The following RHOT1 variants were observed in gnomAD, a reference collection of about 807,000 sequenced individuals.
RHOT1 encodes ras homolog family member T1.
A neutral mutation model predicts 95.3 loss-of-function variants in RHOT1; 27 were observed. The observed-to-expected ratio is 0.28, with a 90% CI of 0.21 to 0.39. RHOT1 has a LOEUF of 0.39. Ranked by LOEUF, RHOT1 falls within the 10% of genes least tolerant of loss-of-function variation. RHOT1 has a pLI of 1.00. For missense variants in RHOT1, 578 were observed against 786.7 expected, an observed-to-expected ratio of 0.73 and a Z score of 3.17; for synonymous variants, 227 against 263.5, an observed-to-expected ratio of 0.86 and a Z score of 1.34.
chr17:32,166,238 GTGTAA>G (rs1328389037), intron 1 of RHOT1, among the ~76,000 whole-genome samples: 4 of 151,086 alleles, frequency 2.6e-5, no homozygotes, highest in Non-Finnish European at 5.9e-5. Context: ...TCTGTTAAGT[GTGTAA>G]TGTAATATCT....
chr17:32,181,534 C>T (rs1208676882), intron 6 of RHOT1, among the ~76,000 whole-genome samples: 4 of 152,162 alleles, frequency 2.6e-5, no homozygotes, highest in Non-Finnish European at 4.4e-5. Context: ...TTAAAATTTT[C>T]ACTAAGAAAT....
intron 8 of RHOT1, among the ~76,000 whole-genome samples, chr17:32,184,403 A>G (rs948978071): frequency 2.6e-5 from 4 of 152,156 alleles, no homozygotes; most frequent in Non-Finnish European, 4.4e-5. Flanking sequence ...ACATTGTAGC[A>G]TGTATCAGTA....
At position 32,186,759 on chromosome 17, in the gene RHOT1, T is replaced by A. The variant is rs34520012; in HGVS notation, c.540+3487T>A. On this transcript the variant is annotated intron_variant, in intron 8 of 19. Coordinates refer to ENST00000545287, the MANE Select transcript of RHOT1 (RefSeq NM_001033566.3). Reference sequence around the variant, plus strand: ...TCACTGCAGCCTTAACCTCCTGGATTCAAGCAGTCCTCCCACTCAGCCTCC... The same window carrying A: ...TCACTGCAGCCTTAACCTCCTGGATACAAGCAGTCCTCCCACTCAGCCTCC... Among the ~76,000 whole-genome samples, 982 of 152,186 alleles carry A rather than the reference T, an allele frequency of 6.5e-3. 14 individuals are homozygous for A. The highest frequency in any genetic ancestry group is 0.021 in the African/African-American group (891 of 41,514).
intron 7 of RHOT1, 146 bp downstream of exon 7, chr17:32,183,011 T>A: frequency 1.3e-6 from 1 of 752,236 alleles, no homozygotes; most frequent in South Asian, 2.1e-5. Context: ...GAAGTTGGAG[T>A]TGGCCTCTGA....
intron 6 of RHOT1, chr17:32,178,883 T>C: frequency 8.2e-6 from 1 of 121,454 alleles, no homozygotes; most frequent in Non-Finnish European, 1.6e-5. Context: ...CGCCACCCCA[T>C]CTGGGAAGTG....
At chr17:32,221,304 G>GTTGCAGT (rs2038818143) in intron 19 of RHOT1, 1 of 150,540 alleles carries the variant, frequency 6.6e-6, no homozygotes, top group African/African-American at 2.5e-5. Flanking sequence ...GGAGGCGGAG[G>GTTGCAGT]TTGCAGTTTG....
chr17:32,165,632 T>C (rs2034008146), intron 1 of RHOT1, among the ~76,000 whole-genome samples: 1 of 152,182 alleles, frequency 6.6e-6, no homozygotes, highest in African/African-American at 2.4e-5. Context: ...TCTATGCACA[T>C]ACATATTTAT....
At chr17:32,178,536 G>A (rs1397071768) in intron 6 of RHOT1, among the ~76,000 whole-genome samples, 4 of 152,218 alleles carry the variant, frequency 2.6e-5, no homozygotes, top group Non-Finnish European at 5.9e-5. Flanking sequence ...ATCTCGGCTC[G>A]CTACAACCTT....
chr17:32,158,416 TTTTG>T (rs750902087), intron 1 of RHOT1, among the ~76,000 whole-genome samples: 7 of 151,950 alleles, frequency 4.6e-5, no homozygotes, highest in African/African-American at 9.7e-5. Flanking sequence ...GTTTCTCAGT[TTTTG>T]TTTGTTTGTT....
intron 1 of RHOT1, among the ~76,000 whole-genome samples, chr17:32,151,753 G>A (rs746782591): frequency 2.0e-5 from 3 of 151,816 alleles, no homozygotes; most frequent in African/African-American, 4.8e-5. Flanking sequence ...ATGGTGGTGG[G>A]CGCCTGTAAT....
chr17:32,182,325 ATTT>A (rs200460105), intron 6 of RHOT1, among the ~76,000 whole-genome samples: 2 of 146,136 alleles, frequency 1.4e-5, no homozygotes, highest in African/African-American at 5.0e-5. Context: ...AAAAAAAAAA[ATTT>A]TTTTTTAATT....
Position 32,173,863 on chromosome 17 carries a change from A to G in RHOT1, c.129A>G (p.Pro43=). The change falls in exon 3 of 20, where the codon CCA becomes CCG. Residue 43 remains proline (P), a synonymous_variant. Coordinates refer to ENST00000545287, the MANE Select transcript of RHOT1 (RefSeq NM_001033566.3). ...CCCGGGCAGAAGAAATCACCATTCC[A>G]GCTGATGTCACCCCAGAGAGAGTTC... The part of the protein sequence containing the change: ...VPPRAEEITI[P]ADVTPERVPT... 6.2e-7 allele frequency: 1 copy of G among 1,611,970 alleles called. No homozygotes were observed. The highest frequency in any genetic ancestry group is 8.5e-7 in the Non-Finnish European group (1 of 1,179,002).
At chr17:32,199,635 T>A in intron 13 of RHOT1, 85 bp downstream of exon 13, 1 of 1,155,002 alleles carries the variant, frequency 8.7e-7, no homozygotes, top group Non-Finnish European at 1.2e-6. Context: ...TGTAAGCTTG[T>A]GAGGCATTAT....
rs990617851 is a variant in RHOT1 at position 32,173,773 on chromosome 17, G to A, written c.97-58G>A. 8.0e-6 allele frequency: 9 copies of A among 1,131,968 alleles called. No homozygotes were observed. In the Admixed American group the frequency reaches 1.9e-4, roughly 23 times the overall value. The allele number at this position is 1,131,968 out of a possible 1,614,324, so 70.1% of individuals were successfully genotyped here. On this transcript the variant is annotated intron_variant, in intron 2 of 19. Coordinates refer to ENST00000545287, the MANE Select transcript of RHOT1 (RefSeq NM_001033566.3). ...GATAAATTTATATCATCTATTACAA[G>A]TTTGAGTGATAATATTCAAAGGTGT... is the stretch of plus-strand genomic sequence containing the variant.
At chr17:32,193,894 C>G (rs548079160) in intron 10 of RHOT1, 93 bp from the exon 11 acceptor site, 6 of 1,447,092 alleles carry the variant, frequency 4.1e-6, no homozygotes, top group Non-Finnish European at 5.6e-6. Context: ...AGCTAGCATC[C>G]GTATGTTCAT....
At chr17:32,143,030 C>T (rs1346021371) in intron 1 of RHOT1, 2 of 697,022 alleles carry the variant, frequency 2.9e-6, no homozygotes, top group Non-Finnish European at 5.4e-6. Context: ...CCGACCTCAT[C>T]CCTCCGAAGC....
chr17:32,197,623 T>C (rs1178220463), intron 11 of RHOT1, among the ~76,000 whole-genome samples: 2 of 151,628 alleles, frequency 1.3e-5, no homozygotes, highest in Non-Finnish European at 2.9e-5. Context: ...AGAGACGGGG[T>C]TTCACCGTGT....
chr17:32,206,722 G>A (rs906686679), intron 16 of RHOT1, among the ~76,000 whole-genome samples, 188 bp from the exon 17 acceptor site: 35 of 151,764 alleles, frequency 2.3e-4, no homozygotes, highest in African/African-American at 7.5e-4. Context: ...CAAAGTGCTG[G>A]GATTACAAGC....
At chr17:32,166,497 G>A (rs1013878631) in intron 1 of RHOT1, among the ~76,000 whole-genome samples, 7 of 152,168 alleles carry the variant, frequency 4.6e-5, no homozygotes, top group African/African-American at 1.7e-4. Flanking sequence ...TTTCTCTGTA[G>A]CATGTGATGC....
Sources: allele counts gnomAD v4.1 joint callset (sites outside exome capture counted in the v4.1 genomes callset), GRCh38; gene constraint gnomAD v4.1.1; transcripts MANE v1.5; gene names NCBI Gene and HGNC (gene_info 2026-07-23, HGNC 2026-07-21).